The following NXPE3 variants were observed in gnomAD, a reference collection of about 807,000 sequenced individuals.
The protein encoded by NXPE3 is neurexophilin and PC-esterase domain family member 3.
NXPE3 carries 26 observed loss-of-function variants against 46.1 expected under a neutral mutation model. The ratio of observed to expected loss-of-function variants is 0.56; its 90% CI spans 0.41 to 0.78. The LOEUF (loss-of-function observed/expected upper bound fraction) is 0.78. Among genes scored for constraint, NXPE3 ranks in the 30% least tolerant of loss-of-function variants. The pLI, the probability that NXPE3 is intolerant of heterozygous loss-of-function variation, is 0.00. For synonymous variants in NXPE3, 272 were observed against 257.9 expected (o/e 1.05, Z -0.52); for missense variants, 620 against 686.0 (o/e 0.90, Z 1.07).
At chr3:101,796,381 G>A (rs1940830191) in intron 4 of NXPE3, among the ~76,000 whole-genome samples, 1 of 152,162 alleles carries the variant, frequency 6.6e-6, no homozygotes, top group Non-Finnish European at 1.5e-5. Context: ...GGAAAATTAA[G>A]CAAATTGACA....
chr3:101,801,876 G>C lies in NXPE3; in HGVS notation c.735G>C (p.Glu245Asp). 1.2e-6 allele frequency: 2 copies of C among 1,614,150 alleles called. No individual in the cohort carries two copies. The highest frequency in any genetic ancestry group is 1.7e-6 in the Non-Finnish European group (2 of 1,180,030). The change falls in exon 5 of 8, where the codon GAG (glutamate) becomes GAC (aspartate). Residue 245 changes from glutamate to aspartate, a missense_variant. Physicochemically the swap from Glu to Asp is conservative, Grantham distance 45 (BLOSUM62 2). Transcript: ENST00000273347. ...LCNFTDLYTG[E>D]PWFCFKPKKL... ...ACTTTACAGACCTCTACACTGGGGA[G>C]CCCTGGTTCTGCTTCAAACCAAAGA...
intron 6 of NXPE3, among the ~76,000 whole-genome samples, chr3:101,812,232 G>A (rs1941743820): frequency 6.6e-6 from 1 of 152,114 alleles, no homozygotes; most frequent in African/African-American, 2.4e-5. Context: ...TAATTATCTG[G>A]ATGCAGATGT....
chr3:101,821,562 A>G lies in NXPE3; in HGVS notation c.1288A>G (p.Asn430Asp). 6.2e-7 allele frequency: 1 copy of G among 1,614,200 alleles called. No homozygotes were observed. Among genetic ancestry groups the G allele is most frequent in the Non-Finnish European group, 8.5e-7 (1 of 1,180,038 alleles). The change falls in exon 8 of 8, where the codon AAT (asparagine) becomes GAT (aspartate). Residue 430 changes from asparagine to aspartate, a missense_variant. By Grantham distance (23) the Asn-to-Asp change is conservative. Around this residue, in one of 3 missense-constraint regions of NXPE3, gnomAD observed 511 missense variants for 528.6 expected, o/e 0.97. Transcript: ENST00000273347. ...NELHYVANELNGIVGGKNTVV... is the reference protein window; with the variant it reads ...NELHYVANELDGIVGGKNTVV... Reference sequence around the variant, plus strand: ...GCTCCATTATGTGGCGAATGAGCTGAATGGCATTGTGGGAGGGAAGAACAC... The same window carrying G: ...GCTCCATTATGTGGCGAATGAGCTGGATGGCATTGTGGGAGGGAAGAACAC...
At chr3:101,799,681 C>T (rs1414953008) in intron 4 of NXPE3, among the ~76,000 whole-genome samples, 4 of 152,190 alleles carry the variant, frequency 2.6e-5, no homozygotes, top group Non-Finnish European at 5.9e-5. Context: ...GCCTCGGCCT[C>T]CCAAAGTGCT....
intron 4 of NXPE3, among the ~76,000 whole-genome samples, chr3:101,787,340 TC>T (rs1940250062): frequency 6.6e-6 from 1 of 152,206 alleles, no homozygotes; most frequent in Non-Finnish European, 1.5e-5. Context: ...AGAGTCTCGC[TC>T]TGTTGCCCAG....
chr3:101,797,089 G>A (rs567043235), intron 4 of NXPE3, among the ~76,000 whole-genome samples: 12 of 152,206 alleles, frequency 7.9e-5, no homozygotes, highest in African/African-American at 2.6e-4. Flanking sequence ...CCTGTATCCT[G>A]TTTACTAATA....
In NXPE3 at chr3:101,802,134, A is replaced by C. The variant is rs1941195130; in HGVS notation, c.848+145A>C. 4.4e-6 allele frequency: 3 copies of C among 687,210 alleles called. No individual in the cohort carries two copies. The East Asian group carries it at 8.1e-5, about 19-fold the overall frequency. The allele number at this position is 687,210 out of a possible 1,614,324, so 42.6% of individuals were successfully genotyped here. ...TACAGAAGAGGTAGTGAATAAAAAA[A>C]AAAACATAGATTTGTATTTTTCATT... On this transcript the variant is annotated intron_variant, in intron 5 of 7. Transcript: ENST00000273347.
intron 3 of NXPE3, among the ~76,000 whole-genome samples, chr3:101,784,820 C>T (rs1560035367): frequency 6.6e-6 from 1 of 152,114 alleles, no homozygotes; most frequent in Non-Finnish European, 1.5e-5. Flanking sequence ...CTTCCTGTGC[C>T]TTATCATGTA....
chr3:101,801,489 C>A lies in NXPE3; in HGVS notation c.348C>A (p.Phe116Leu), dbSNP rs1045411888. Residue 116 changes from phenylalanine (F) to leucine (L), a missense_variant, in exon 5 of 8, where the codon TTC becomes TTA. By Grantham distance (22) the Phe-to-Leu change is conservative. Coordinates refer to ENST00000273347, the MANE Select transcript of NXPE3 (RefSeq NM_145037.4). ...TTGTCATCTTGAACTCTGCTGCCTT[C>A]TTTAAGGTGGGAAGCCAGCTTGAGG... ...SYFVILNSAAFFKVGSQLEVL... is the reference protein window; with the variant it reads ...SYFVILNSAALFKVGSQLEVL... 4.3e-6 allele frequency: 7 copies of A among 1,614,036 alleles called. No homozygotes were observed. Among genetic ancestry groups the A allele is most frequent in the African/African-American group, 1.3e-5 (1 of 74,920 alleles).
At position 101,801,845 on chromosome 3, in the gene NXPE3, T is replaced by G; in HGVS notation, c.704T>G (p.Leu235Arg). The G allele has an allele frequency of 2.5e-6, 4 of 1,614,092 alleles. No homozygotes were observed. Among genetic ancestry groups the G allele is most frequent in the Non-Finnish European group, 3.4e-6 (4 of 1,180,000 alleles). The change falls in exon 5 of 8, where the codon CTG (leucine) becomes CGG (arginine). Residue 235 changes from leucine to arginine, a missense_variant. Physicochemically the swap from Leu to Arg is moderately radical, Grantham distance 102. This residue lies in a region of NXPE3 where 511 missense variants were observed against 528.6 expected (regional missense o/e 0.97). Coordinates refer to ENST00000273347, the MANE Select transcript of NXPE3 (RefSeq NM_145037.4). ...GTGTGTCTTCCTGGGAATCTGCCCCTGTGTAACTTTACAGACCTCTACACT... is the reference window on the plus strand; with the variant it reads ...GTGTGTCTTCCTGGGAATCTGCCCCGGTGTAACTTTACAGACCTCTACACT... ...CNVCLPGNLP[L>R]CNFTDLYTGE...
At chr3:101,818,064 T>C (rs1261898456) in intron 7 of NXPE3, among the ~76,000 whole-genome samples, 2 of 152,062 alleles carry the variant, frequency 1.3e-5, no homozygotes, top group Non-Finnish European at 2.9e-5. Flanking sequence ...CTAATTTTTT[T>C]GTATTTTTTG....
intron 7 of NXPE3, among the ~76,000 whole-genome samples, chr3:101,819,943 A>G (rs955046802): frequency 6.6e-6 from 1 of 152,106 alleles, no homozygotes; most frequent in Admixed American, 6.6e-5. Context: ...CTCTACTTCA[A>G]CTTTTTTAAG....
chr3:101,781,496 A>G (rs1032219912), intron 1 of NXPE3, among the ~76,000 whole-genome samples: 1 of 152,216 alleles, frequency 6.6e-6, no homozygotes, highest in Non-Finnish European at 1.5e-5. Flanking sequence ...ACAGGCCATA[A>G]AGAAGTTAGA....
intron 4 of NXPE3, among the ~76,000 whole-genome samples, chr3:101,797,158 G>A (rs933576796): frequency 1.3e-5 from 2 of 152,156 alleles, no homozygotes; most frequent in Non-Finnish European, 2.9e-5. Flanking sequence ...TAAGTACACA[G>A]TTGGATCCCC....
chr3:101,785,675 G>A lies in NXPE3; in HGVS notation c.79G>A (p.Val27Ile). The A allele has an allele frequency of 6.2e-7, 1 of 1,613,222 alleles. No individual in the cohort carries two copies. The change falls in exon 4 of 8, where the codon GTT (valine) becomes ATT (isoleucine). Residue 27 changes from valine to isoleucine, a missense_variant. This residue lies in a region of NXPE3 where 511 missense variants were observed against 528.6 expected (regional missense o/e 0.97). Coordinates refer to ENST00000273347, the MANE Select transcript of NXPE3 (RefSeq NM_145037.4). The stretch of plus-strand genomic sequence containing the variant: ...GATGGTGGTGGTGCTGGTCATCAAT[G>A]TTACTCAGGTAGAGGTGAGTACCCA... The part of the protein sequence containing the change: ...VLMVVVLVIN[V>I]TQVEYLDHET...
rs570756362 is a variant in NXPE3, at chr3:101,822,394, C to G, written c.*440C>G. The G allele has an allele frequency of 7.1e-4, 113 of 158,840 alleles. No individual in the cohort carries two copies. The highest frequency in any genetic ancestry group is 1.2e-3 in the Non-Finnish European group (89 of 71,622). 9.8% of individuals were successfully genotyped at this position (158,840 alleles called of 1,614,324 possible). ...ATAGCACAAGTAATCCATCTTCTGG[C>G]GGTTAACTAGAGAAAGCTTATAGTC... On this transcript the variant is annotated 3_prime_UTR_variant, in exon 8 of 8. Transcript: ENST00000273347.
intron 4 of NXPE3, among the ~76,000 whole-genome samples, chr3:101,795,233 A>T (rs1940757918): frequency 6.6e-6 from 1 of 152,230 alleles, no homozygotes; most frequent in South Asian, 2.1e-4. Flanking sequence ...AAAATATTAC[A>T]TAAGCTGGGC....
Position 101,785,529 on chromosome 3 carries a change from A to G in NXPE3, c.-68A>G, listed in dbSNP as rs897343185. 7 of 1,395,806 alleles carry G rather than the reference A, an allele frequency of 5.0e-6. No homozygotes were observed. The East Asian group carries it at 9.1e-5, about 18-fold the overall frequency. The allele number at this position is 1,395,806 out of a possible 1,614,324, so 86.5% of individuals were successfully genotyped here. A position where few individuals can be genotyped will look rare whatever the true frequency, so the allele number is the denominator to read the frequency against. ...GCTCATCTGCAGCTCAGAAAAGCAA[A>G]GACATGGAATTTTAAAGAGTGAAGG... On this transcript the variant is annotated 5_prime_UTR_variant, in exon 4 of 8. Transcript: ENST00000273347.
At chr3:101,787,707 G>A (rs1290435292) in intron 4 of NXPE3, among the ~76,000 whole-genome samples, 1 of 152,160 alleles carries the variant, frequency 6.6e-6, no homozygotes, top group Non-Finnish European at 1.5e-5. Flanking sequence ...TTAAGGCTGA[G>A]TAATACTTCT....
Sources: gnomAD v4.1 joint callset for allele counts (sites outside exome capture counted in the v4.1 genomes callset) on GRCh38, gnomAD v4.1.1 for gene constraint, gnomAD v4.1.1 regional missense constraint, MANE v1.5 for transcripts, NCBI Gene and HGNC (gene_info 2026-07-23, HGNC 2026-07-21) for gene names.